SLC9A9: variants seen among roughly 807,000 people sequenced by gnomAD.
SLC9A9 encodes solute carrier family 9 member A9, also known as sodium/hydrogen exchanger 9.
A neutral mutation model predicts 77.8 loss-of-function variants in SLC9A9; 62 were observed. The observed-to-expected ratio is 0.80, with a 90% CI of 0.65 to 0.98. The LOEUF is 0.98. Among genes scored for constraint, SLC9A9 ranks in the 50% least tolerant of loss-of-function variants. The probability of loss-of-function intolerance (pLI) is 0.00; values close to 1 mark genes in which losing one functional copy is unlikely to be tolerated. For missense variants in SLC9A9, 775 were observed against 774.9 expected (o/e 1.00, Z 0.00); for synonymous variants, 320 against 283.5 (o/e 1.13, Z -1.29).
At chr3:143,611,146 A>G (rs1162014265) in intron 6 of SLC9A9, among the ~76,000 whole-genome samples, 1 of 152,226 alleles carries the variant, frequency 6.6e-6, no homozygotes, top group African/African-American at 2.4e-5. Flanking sequence ...AAATAAAAAT[A>G]CAAGGATTGA....
chr3:143,831,614 C>G (rs1468212035), intron 2 of SLC9A9, among the ~76,000 whole-genome samples: 1 of 152,158 alleles, frequency 6.6e-6, no homozygotes, highest in African/African-American at 2.4e-5. Context: ...TTTTATTCTA[C>G]TCCATTTTCC....
intron 3 of SLC9A9, 92 bp from the exon 4 acceptor site, chr3:143,795,169 C>A: frequency 8.0e-7 from 1 of 1,250,510 alleles, no homozygotes; most frequent in Non-Finnish European, 1.1e-6. Flanking sequence ...TTCACAGACC[C>A]CTCACTGTTT....
chr3:143,278,938 T>A (rs1938131120), intron 14 of SLC9A9, among the ~76,000 whole-genome samples: 1 of 152,042 alleles, frequency 6.6e-6, no homozygotes, highest in Non-Finnish European at 1.5e-5. Flanking sequence ...CCTGAGCTCT[T>A]TGACCACAAA....
chr3:143,800,480 T>C (rs2008521179), intron 2 of SLC9A9, among the ~76,000 whole-genome samples: 1 of 152,218 alleles, frequency 6.6e-6, no homozygotes, highest in South Asian at 2.1e-4. Context: ...CAAACCCATA[T>C]ACTCTTTTGT....
At chr3:143,640,145 C>A (rs776806719) in intron 6 of SLC9A9, among the ~76,000 whole-genome samples, 8 of 151,652 alleles carry the variant, frequency 5.3e-5, no homozygotes, top group Non-Finnish European at 1.2e-4. Flanking sequence ...CCTCAGCCTC[C>A]CAGTTAGCTG....
intron 5 of SLC9A9, among the ~76,000 whole-genome samples, chr3:143,678,537 T>C (rs1932964378): frequency 6.6e-6 from 1 of 152,234 alleles, no homozygotes; most frequent in Non-Finnish European, 1.5e-5. Context: ...TACCATTTGT[T>C]AAATAAACCA....
chr3:143,721,203 A>G (rs1934489707), intron 4 of SLC9A9, among the ~76,000 whole-genome samples: 1 of 152,142 alleles, frequency 6.6e-6, no homozygotes, highest in Non-Finnish European at 1.5e-5. Flanking sequence ...ACACCCCCAA[A>G]AAAGTCCACA....
intron 11 of SLC9A9, among the ~76,000 whole-genome samples, chr3:143,477,330 A>ATATTTTTTT (rs772684824): frequency 1.0e-5 from 1 of 100,012 alleles, no homozygotes; most frequent in South Asian, 3.9e-4. Context: ...GGCTTCTTCA[A>ATATTTTTTT]TTTTTTTTTT....
In SLC9A9 at chr3:143,271,530, G is replaced by A. The variant is rs997051137; in HGVS notation, c.1605-2550C>T. ...TTTCTGGAGAAACCGGTGTCTCATTGTTCGATAATGATGGGAAAACGATAC... is the reference window on the plus strand; with the variant it reads ...TTTCTGGAGAAACCGGTGTCTCATTATTCGATAATGATGGGAAAACGATAC... On this transcript the variant is annotated intron_variant, in intron 14 of 15. Transcript: ENST00000316549. Among the ~76,000 whole-genome samples the A allele has an allele frequency of 2.6e-5, 4 of 152,364 alleles. 1 individual carries two copies.
chr3:143,676,640 G>C (rs1408319178), intron 5 of SLC9A9, among the ~76,000 whole-genome samples: 2 of 152,118 alleles, frequency 1.3e-5, no homozygotes, highest in Admixed American at 6.5e-5. Context: ...GGGAGGCTGA[G>C]GCAGGAGAAT....
intron 12 of SLC9A9, among the ~76,000 whole-genome samples, chr3:143,448,536 T>C (rs897737405): frequency 1.3e-5 from 2 of 151,994 alleles, no homozygotes; most frequent in African/African-American, 4.8e-5. Context: ...TATCATGGAG[T>C]AATAAGAAAA....
chr3:143,542,889 C>T (rs2036711688), intron 9 of SLC9A9, among the ~76,000 whole-genome samples: 1 of 152,116 alleles, frequency 6.6e-6, no homozygotes, highest in Non-Finnish European at 1.5e-5. Flanking sequence ...AGAGGTTAAA[C>T]AGGACAAAAA....
chr3:143,636,368 G>A (rs891169585), intron 6 of SLC9A9, among the ~76,000 whole-genome samples: 1 of 152,134 alleles, frequency 6.6e-6, no homozygotes, highest in African/African-American at 2.4e-5. Context: ...CCAGATTTCC[G>A]ATTTCTCTAA....
intron 2 of SLC9A9, 51 bp from the exon 3 acceptor site, chr3:143,796,954 T>C: frequency 1.4e-6 from 2 of 1,424,016 alleles, no homozygotes; most frequent in Non-Finnish European, 9.9e-7. Flanking sequence ...TTTGGGTCAT[T>C]AAAAAAACAT....
At chr3:143,732,290 A>G (rs1488722781) in intron 4 of SLC9A9, among the ~76,000 whole-genome samples, 1 of 152,232 alleles carries the variant, frequency 6.6e-6, no homozygotes, top group Non-Finnish European at 1.5e-5. Flanking sequence ...TCCTTAGTTT[A>G]GATTCCCAAG....
chr3:143,712,241 T>C (rs538251645), intron 4 of SLC9A9, among the ~76,000 whole-genome samples: 1 of 152,316 alleles, frequency 6.6e-6, no homozygotes, highest in East Asian at 1.9e-4. Context: ...TGATGTGATT[T>C]CTTAACAACT....
intron 6 of SLC9A9, among the ~76,000 whole-genome samples, chr3:143,631,054 G>T (rs1308449387): frequency 6.6e-6 from 1 of 152,060 alleles, no homozygotes; most frequent in Non-Finnish European, 1.5e-5. Context: ...TATTAAACAG[G>T]ATAAGTCCTT....
At chr3:143,292,208 T>G (rs1206538295) in intron 14 of SLC9A9, among the ~76,000 whole-genome samples, 1 of 152,210 alleles carries the variant, frequency 6.6e-6, no homozygotes, top group Non-Finnish European at 1.5e-5. Flanking sequence ...TTGGCTACCA[T>G]GGGACAAATA....
At chr3:143,635,243 T>A (rs1031655479) in intron 6 of SLC9A9, among the ~76,000 whole-genome samples, 1 of 152,184 alleles carries the variant, frequency 6.6e-6, no homozygotes, top group Non-Finnish European at 1.5e-5. Flanking sequence ...TTTGGCTTCC[T>A]CACAGCAAGG....
Sources: gnomAD v4.1 joint callset for allele counts (sites outside exome capture counted in the v4.1 genomes callset) on GRCh38, gnomAD v4.1.1 for gene constraint, MANE v1.5 for transcripts, NCBI Gene and HGNC (gene_info 2026-07-23, HGNC 2026-07-21) for gene names.